DNAJC1: variants seen among roughly 807,000 people sequenced by gnomAD.
DNAJC1 encodes dnaJ homolog subfamily C member 1.
Under a neutral mutation model 76.6 loss-of-function variants are expected in DNAJC1, and 58 were observed. The ratio of observed to expected loss-of-function variants is 0.76; its 90% CI spans 0.61 to 0.94. The LOEUF (loss-of-function observed/expected upper bound fraction) is 0.94, where lower values mean the gene tolerates loss of function less well. Ranked by LOEUF, DNAJC1 falls within the 40% of genes least tolerant of loss-of-function variation. The pLI, the probability that DNAJC1 is intolerant of heterozygous loss-of-function variation, is 0.00. For synonymous variants in DNAJC1, 258 were observed against 267.9 expected (o/e 0.96, Z 0.36); for missense variants, 689 against 677.3 (o/e 1.02, Z -0.19).
Position 21,920,899 on chromosome 10 carries a change from C to T in DNAJC1, c.436G>A (p.Val146Met), listed in dbSNP as rs1837032366. The change falls in exon 4 of 12, where the codon GTG (valine) becomes ATG (methionine). Residue 146 changes from valine to methionine, a missense_variant. Val to Met is a conservative substitution (Grantham distance 21, BLOSUM62 1). Transcript: ENST00000376980. ...WRQPVFYYRR[V>M]RKMSNAELAL... ...AGCTCAGCATTGCTCATTTTTCTCACCCGCCTGTAGTAGAATACAGGCTGT... is the reference window on the plus strand; with the variant it reads ...AGCTCAGCATTGCTCATTTTTCTCATCCGCCTGTAGTAGAATACAGGCTGT... 1 of 1,612,962 alleles carries T rather than the reference C, an allele frequency of 6.2e-7. No homozygotes were observed. The highest frequency in any genetic ancestry group is 8.5e-7 in the Non-Finnish European group (1 of 1,179,242).
chr10:21,773,965 C>A (rs1380648634), intron 9 of DNAJC1, among the ~76,000 whole-genome samples: 2 of 150,882 alleles, frequency 1.3e-5, no homozygotes, highest in Non-Finnish European at 3.0e-5. Flanking sequence ...AACGGTGAAA[C>A]CCCGTCTCTA....
intron 11 of DNAJC1, among the ~76,000 whole-genome samples, chr10:21,757,931 C>T (rs1281885749): frequency 6.6e-6 from 1 of 152,188 alleles, no homozygotes; most frequent in Non-Finnish European, 1.5e-5. Context: ...AAGCTCCAGC[C>T]CCTTCGTTTA....
intron 1 of DNAJC1, among the ~76,000 whole-genome samples, chr10:21,985,144 G>A (rs369628513): frequency 2.0e-5 from 3 of 151,664 alleles, no homozygotes; most frequent in African/African-American, 4.9e-5. Context: ...ATAGAGTTGT[G>A]CAACCATCAC....
chr10:21,913,062 A>G (rs928536416), intron 6 of DNAJC1, among the ~76,000 whole-genome samples: 1 of 150,854 alleles, frequency 6.6e-6, no homozygotes, highest in African/African-American at 2.4e-5. Flanking sequence ...CACTACTCCT[A>G]GGCAACCTAT....
intron 1 of DNAJC1, among the ~76,000 whole-genome samples, chr10:21,947,316 G>C (rs542345293): frequency 2.6e-4 from 39 of 152,184 alleles, no homozygotes; most frequent in Admixed American, 2.2e-3. Flanking sequence ...CTTATATTCA[G>C]ATTTTTTTCA....
intron 9 of DNAJC1, among the ~76,000 whole-genome samples, chr10:21,799,163 A>G (rs1357011120): frequency 6.6e-6 from 1 of 152,182 alleles, no homozygotes; most frequent in African/African-American, 2.4e-5. Context: ...GACCTGGTAA[A>G]TATTATTCAC....
At chr10:21,829,498 G>T (rs1214878889) in intron 8 of DNAJC1, among the ~76,000 whole-genome samples, 1 of 152,174 alleles carries the variant, frequency 6.6e-6, no homozygotes, top group Non-Finnish European at 1.5e-5. Flanking sequence ...TTACAGGCAT[G>T]AGCCAATGCG....
chr10:21,912,072 A>G (rs1311461956), intron 6 of DNAJC1, among the ~76,000 whole-genome samples: 1 of 152,170 alleles, frequency 6.6e-6, no homozygotes, highest in East Asian at 1.9e-4. Context: ...TGTAATTATA[A>G]TCAGCCTGAA....
At chr10:21,998,609 G>A (rs1194414216) in intron 1 of DNAJC1, among the ~76,000 whole-genome samples, 1 of 151,918 alleles carries the variant, frequency 6.6e-6, no homozygotes, top group African/African-American at 2.4e-5. Context: ...CCAAATTGGA[G>A]TGCCCTATTA....
intron 1 of DNAJC1, among the ~76,000 whole-genome samples, chr10:21,948,582 T>C (rs1228893537): frequency 6.6e-6 from 1 of 152,210 alleles, no homozygotes; most frequent in African/African-American, 2.4e-5. Context: ...TATTAAGACA[T>C]TTTGAGACAA....
chr10:21,794,266 CAA>C (rs542182948), intron 9 of DNAJC1, among the ~76,000 whole-genome samples: 28 of 53,578 alleles, frequency 5.2e-4, no homozygotes, highest in Non-Finnish European at 8.9e-4. Context: ...TTCCTATCTT[CAA>C]AAAAAAAAAA....
At chr10:21,824,061 T>C (rs1040545186) in intron 8 of DNAJC1, among the ~76,000 whole-genome samples, 1 of 152,146 alleles carries the variant, frequency 6.6e-6, no homozygotes, top group African/African-American at 2.4e-5. Flanking sequence ...CTTACAATAA[T>C]TATGTTGAAT....
chr10:21,782,147 G>A (rs552332445), intron 9 of DNAJC1, among the ~76,000 whole-genome samples: 3 of 152,220 alleles, frequency 2.0e-5, no homozygotes, highest in African/African-American at 7.2e-5. Context: ...TAGACCGCTA[G>A]CAAGACTAAT....
chr10:21,822,688 C>A (rs558083548), intron 8 of DNAJC1, among the ~76,000 whole-genome samples: 2 of 152,016 alleles, frequency 1.3e-5, no homozygotes, highest in Non-Finnish European at 2.9e-5. Context: ...TGACAATGAA[C>A]ATACATATAT....
chr10:21,969,403 C>T (rs1304329950), intron 1 of DNAJC1, among the ~76,000 whole-genome samples: 1 of 152,100 alleles, frequency 6.6e-6, no homozygotes, highest in Non-Finnish European at 1.5e-5. Flanking sequence ...TGCAAAGTGG[C>T]TTACGAATTC....
chr10:21,793,165 G>C (rs1834711038), intron 9 of DNAJC1, among the ~76,000 whole-genome samples: 1 of 152,100 alleles, frequency 6.6e-6, no homozygotes, highest in Admixed American at 6.6e-5. Flanking sequence ...AATTAGCTGG[G>C]CGTGGTGGTG....
intron 8 of DNAJC1, among the ~76,000 whole-genome samples, chr10:21,867,809 C>A (rs546861180): frequency 6.6e-6 from 1 of 151,922 alleles, no homozygotes; most frequent in African/African-American, 2.4e-5. Flanking sequence ...CCGTAGCTCA[C>A]GTTTGTAATC....
chr10:21,947,491 T>C (rs530934673), intron 1 of DNAJC1, among the ~76,000 whole-genome samples: 7 of 152,104 alleles, frequency 4.6e-5, no homozygotes, highest in Non-Finnish European at 1.0e-4. Context: ...TTCCACTTAA[T>C]GAATAGTAAG....
intron 9 of DNAJC1, among the ~76,000 whole-genome samples, chr10:21,795,628 A>C (rs897077904): frequency 2.0e-5 from 3 of 152,230 alleles, no homozygotes; most frequent in Admixed American, 6.5e-5. Context: ...TGGCGATTTC[A>C]CAACTCTACA....
Sources: allele counts gnomAD v4.1 joint callset (sites outside exome capture counted in the v4.1 genomes callset), GRCh38; gene constraint gnomAD v4.1.1; transcripts MANE v1.5; gene names NCBI Gene and HGNC (gene_info 2026-07-23, HGNC 2026-07-21).